EPHA6: variants seen among roughly 807,000 people sequenced by gnomAD.
EPHA6 encodes ephrin type-A receptor 6.
Under a neutral mutation model 112.0 loss-of-function variants are expected in EPHA6, and 50 were observed. The ratio of observed to expected loss-of-function variants is 0.45; its 90% CI spans 0.36 to 0.56. The LOEUF is 0.56. Ranked by LOEUF, EPHA6 falls within the 20% of genes least tolerant of loss-of-function variation. The pLI is 0.00. For synonymous variants in EPHA6, 529 were observed against 490.7 expected (o/e 1.08, Z -1.03); for missense variants, 1,280 against 1,417.4 (o/e 0.90, Z 1.56).
At chr3:97,654,985 A>G (rs560431433) in intron 14 of EPHA6, among the ~76,000 whole-genome samples, 14 of 151,686 alleles carry the variant, frequency 9.2e-5, no homozygotes, top group African/African-American at 3.1e-4. Flanking sequence ...AACCCTAGAC[A>G]GGAAATGATG....
rs142903117 is a variant in EPHA6 at position 96,873,313 on chromosome 3, C to A, written c.450+6424C>A. Reference sequence around the variant, plus strand: ...CTGTGTATCCACCAGTCCATCTCTCCAATTCTGGGGCAGTGCTTTACCCGC... The same window carrying A: ...CTGTGTATCCACCAGTCCATCTCTCAAATTCTGGGGCAGTGCTTTACCCGC... On this transcript the variant is annotated intron_variant, in intron 2 of 17. Transcript: ENST00000389672. Among the ~76,000 whole-genome samples, 974 of 151,916 alleles carry A rather than the reference C, an allele frequency of 6.4e-3. 7 individuals carry two copies. Among genetic ancestry groups the A allele is most frequent in the African/African-American group, 0.021 (881 of 41,460 alleles).
intron 2 of EPHA6, among the ~76,000 whole-genome samples, chr3:96,906,934 G>C (rs1235524036): frequency 6.6e-6 from 1 of 151,850 alleles, no homozygotes; most frequent in African/African-American, 2.4e-5. Context: ...CGAGATAAAT[G>C]ATCTCTGGAA....
intron 3 of EPHA6, among the ~76,000 whole-genome samples, chr3:97,110,043 T>G (rs564693593): frequency 6.6e-6 from 1 of 152,292 alleles, no homozygotes; most frequent in East Asian, 1.9e-4. Flanking sequence ...TACTCTTTTC[T>G]ACATTTCTTG....
At chr3:97,748,539 T>C (rs1025017078) in intron 17 of EPHA6, 48 bp from the exon 18 acceptor site, 4 of 870,116 alleles carry the variant, frequency 4.6e-6, no homozygotes, top group South Asian at 2.8e-5. Flanking sequence ...CTCTCTCTCT[T>C]TCTTGCTCTC....
At chr3:97,057,514 C>T (rs2045889628) in intron 3 of EPHA6, among the ~76,000 whole-genome samples, 1 of 152,164 alleles carries the variant, frequency 6.6e-6, no homozygotes, top group African/African-American at 2.4e-5. Context: ...CAAACCTCTG[C>T]TTGGGTCACG....
At chr3:97,241,768 T>TG (rs1294589188) in intron 4 of EPHA6, among the ~76,000 whole-genome samples, 32 of 150,222 alleles carry the variant, frequency 2.1e-4, no homozygotes, top group Non-Finnish European at 1.0e-4. Context: ...TTTTTTTTTT[T>TG]TTGTTTTTTT....
chr3:97,693,464 T>C (rs1199396249), intron 14 of EPHA6, among the ~76,000 whole-genome samples: 2 of 152,232 alleles, frequency 1.3e-5, no homozygotes, highest in Non-Finnish European at 2.9e-5. Flanking sequence ...TGAATGTAAT[T>C]ATCAGCAAAA....
intron 4 of EPHA6, among the ~76,000 whole-genome samples, chr3:97,230,192 A>C (rs7610413): frequency 0.012 from 1,888 of 152,224 alleles, 31 homozygotes; most frequent in African/African-American, 0.044. Context: ...GGAGGCTATA[A>C]ATAGAAAATT....
intron 3 of EPHA6, among the ~76,000 whole-genome samples, chr3:97,207,509 C>T (rs2077745693): frequency 6.6e-6 from 1 of 152,110 alleles, no homozygotes; most frequent in South Asian, 2.1e-4. Flanking sequence ...ACGCATTTGT[C>T]TGGTCCAGTA....
intron 4 of EPHA6, among the ~76,000 whole-genome samples, chr3:97,227,856 G>A (rs1216347066): frequency 1.3e-5 from 2 of 152,156 alleles, no homozygotes; most frequent in Non-Finnish European, 2.9e-5. Context: ...AGCATACTCT[G>A]GACTGGCCAG....
At chr3:97,205,283 A>G (rs560619791) in intron 3 of EPHA6, among the ~76,000 whole-genome samples, 15 of 152,236 alleles carry the variant, frequency 9.9e-5, no homozygotes, top group African/African-American at 3.6e-4. Flanking sequence ...AATATTTAGT[A>G]TGAAATTTTA....
At chr3:97,267,734 T>C (rs180788565) in intron 5 of EPHA6, among the ~76,000 whole-genome samples, 33 of 152,228 alleles carry the variant, frequency 2.2e-4, no homozygotes, top group Admixed American at 2.2e-3. Flanking sequence ...TAGGGTTAAG[T>C]TGGGGAAATT....
intron 5 of EPHA6, among the ~76,000 whole-genome samples, chr3:97,367,160 T>G (rs940821895): frequency 6.6e-6 from 1 of 152,214 alleles, no homozygotes; most frequent in Non-Finnish European, 1.5e-5. Flanking sequence ...ACACATAAGA[T>G]AAAAATAAAA....
At position 97,437,674 on chromosome 3, in the gene EPHA6, T is replaced by C. The variant is rs148934673; in HGVS notation, c.1732-10894T>C. On this transcript the variant is annotated intron_variant, in intron 6 of 17. Coordinates refer to ENST00000389672, the MANE Select transcript of EPHA6 (RefSeq NM_001080448.3). The stretch of plus-strand genomic sequence containing the variant: ...TAATACTCAATTTTTTGGTTGTTGT[T>C]TTTGTTTTTGTAGAAACGGGGTCTC... Among the ~76,000 whole-genome samples the C allele has an allele frequency of 2.5e-3, 374 of 152,220 alleles. 3 individuals are homozygous for C. The highest frequency in any genetic ancestry group is 8.5e-3 in the African/African-American group (351 of 41,538).
chr3:96,934,037 C>A (rs964497464), intron 2 of EPHA6, among the ~76,000 whole-genome samples: 1 of 151,794 alleles, frequency 6.6e-6, no homozygotes, highest in African/African-American at 2.4e-5. Context: ...TTATTACAAC[C>A]AAAATAATTG....
intron 5 of EPHA6, among the ~76,000 whole-genome samples, chr3:97,311,442 T>TCA (rs35415439): frequency 0.066 from 9,432 of 143,934 alleles, 389 homozygotes; most frequent in East Asian, 0.22. Context: ...GATTACACTT[T>TCA]CACACACACA....
At chr3:96,940,969 C>A (rs2040907236) in intron 2 of EPHA6, among the ~76,000 whole-genome samples, 1 of 152,198 alleles carries the variant, frequency 6.6e-6, no homozygotes, top group African/African-American at 2.4e-5. Flanking sequence ...GAGAGATCAG[C>A]TGTTAGTCTG....
At chr3:96,935,708 T>C in intron 2 of EPHA6, among the ~76,000 whole-genome samples, 1 of 138,278 alleles carries the variant, frequency 7.2e-6, no homozygotes, top group African/African-American at 2.6e-5. Context: ...GTATATTATA[T>C]ATACATTATA....
intron 3 of EPHA6, among the ~76,000 whole-genome samples, chr3:97,043,979 T>A (rs1305664666): frequency 6.6e-6 from 1 of 152,146 alleles, no homozygotes; most frequent in East Asian, 1.9e-4. Flanking sequence ...GCACTCATGG[T>A]TCTTCATAGA....
Sources: allele counts gnomAD v4.1 joint callset (sites outside exome capture counted in the v4.1 genomes callset), GRCh38; gene constraint gnomAD v4.1.1; transcripts MANE v1.5; gene names NCBI Gene and HGNC (gene_info 2026-07-23, HGNC 2026-07-21).